The following CHAT variants were observed in gnomAD, a reference collection of about 807,000 sequenced individuals.
CHAT encodes the protein choline O-acetyltransferase.
CHAT carries 61 observed loss-of-function variants against 76.9 expected under a neutral mutation model. That is an observed-to-expected ratio of 0.79 (90% CI 0.65 to 0.98). The LOEUF (loss-of-function observed/expected upper bound fraction) is 0.98, where lower values mean the gene tolerates loss of function less well. Ranked by LOEUF, CHAT falls within the 50% of genes least tolerant of loss-of-function variation. The pLI, the probability that CHAT is intolerant of heterozygous loss-of-function variation, is 0.00. For synonymous variants in CHAT, 407 were observed against 397.4 expected (o/e 1.02, Z -0.29); for missense variants, 946 against 986.9 (o/e 0.96, Z 0.56).
intron 13 of CHAT, among the ~76,000 whole-genome samples, chr10:49,658,378 G>T (rs190354147): frequency 6.6e-6 from 1 of 152,154 alleles, no homozygotes; most frequent in Non-Finnish European, 1.5e-5. Context: ...TTAGCCAGGC[G>T]TGGTTGCACA....
At chr10:49,621,585 T>G (rs973443353) in intron 4 of CHAT, among the ~76,000 whole-genome samples, 1 of 152,112 alleles carries the variant, frequency 6.6e-6, no homozygotes, top group African/African-American at 2.4e-5. Flanking sequence ...TTACTGGCTT[T>G]TCCCAGGAGA....
chr10:49,631,230 C>CT (rs1168081327), intron 7 of CHAT, among the ~76,000 whole-genome samples: 2 of 152,166 alleles, frequency 1.3e-5, no homozygotes, highest in African/African-American at 4.8e-5. Flanking sequence ...GTACCACAGA[C>CT]TGGGAGGCTT....
At chr10:49,615,745 T>A in intron 1 of CHAT, 1 of 488,144 alleles carries the variant, frequency 2.0e-6, no homozygotes, top group Non-Finnish European at 3.7e-6. Context: ...CTACTGTACC[T>A]TCAAAATTAA....
intron 7 of CHAT, among the ~76,000 whole-genome samples, chr10:49,630,612 T>A (rs537726889): frequency 1.3e-5 from 2 of 152,274 alleles, no homozygotes; most frequent in South Asian, 4.1e-4. Flanking sequence ...ATGAGGGAGT[T>A]GCTAAAAGAG....
upstream of CHAT, among the ~76,000 whole-genome samples, chr10:49,613,478 C>G (rs1401721460): frequency 6.6e-6 from 1 of 152,212 alleles, no homozygotes; most frequent in Admixed American, 6.5e-5. Context: ...AGACCGTAGT[C>G]TGATGATCGA....
At chr10:49,620,781 G>C (rs1838677883) in intron 4 of CHAT, among the ~76,000 whole-genome samples, 168 bp downstream of exon 4, 1 of 152,234 alleles carries the variant, frequency 6.6e-6, no homozygotes, top group Non-Finnish European at 1.5e-5. Flanking sequence ...AGCAAGGTTA[G>C]GTGTGGCTGC....
intron 13 of CHAT, among the ~76,000 whole-genome samples, chr10:49,658,584 C>G (rs1840101038): frequency 6.6e-6 from 1 of 152,106 alleles, no homozygotes; most frequent in Admixed American, 6.5e-5. Context: ...TGGCACATGC[C>G]TGTAATCCCA....
At position 49,655,212 on chromosome 10, in the gene CHAT, G is replaced by T; in HGVS notation, c.1752G>T (p.Val584=). The T allele has an allele frequency of 6.2e-7, 1 of 1,614,078 alleles. No homozygotes were observed. Among genetic ancestry groups the T allele is most frequent in the South Asian group, 1.1e-5 (1 of 91,082 alleles). Residue 584 remains valine (V), a synonymous_variant, in exon 12 of 15, where the codon GTG becomes GTT. Coordinates refer to ENST00000337653, the MANE Select transcript of CHAT (RefSeq NM_020549.5). ...TPEALAFVRA[V]TDHKAAVPAS... ...AGGCACTGGCTTTTGTGAGAGCCGTGACTGACCACAAGGCTGCTGTGCCAG... is the reference window on the plus strand; with the variant it reads ...AGGCACTGGCTTTTGTGAGAGCCGTTACTGACCACAAGGCTGCTGTGCCAG...
intron 14 of CHAT, among the ~76,000 whole-genome samples, chr10:49,663,229 CA>C (rs915953498): frequency 6.6e-6 from 1 of 151,066 alleles, no homozygotes; most frequent in African/African-American, 2.4e-5. Flanking sequence ...GACCCTGTCT[CA>C]AAAAAAGAAA....
chr10:49,649,422 C>T lies in CHAT; in HGVS notation c.1383-86C>T, dbSNP rs201661885. Reference sequence around the variant, plus strand: ...ACTCCATGGCCGCAAACACTGACAGCTAAGATGATTGCACAGAGCAAAGAA... The same window carrying T: ...ACTCCATGGCCGCAAACACTGACAGTTAAGATGATTGCACAGAGCAAAGAA... On this transcript the variant is annotated intron_variant, in intron 9 of 14. Transcript: ENST00000337653. 76 of 1,593,504 alleles carry T rather than the reference C, an allele frequency of 4.8e-5. No homozygotes were observed. The African/African-American group carries it at 9.8e-4, about 21-fold the overall frequency.
rs1840369747 is a variant in CHAT, at chr10:49,667,904, G to C, written c.*2858G>C. On this transcript the variant is annotated 3_prime_UTR_variant, in exon 15 of 15. Coordinates refer to ENST00000337653, the MANE Select transcript of CHAT (RefSeq NM_020549.5). ...ATTATATTCAAATTATTTAAAAATT[G>C]TTCTAAGTCTATATTCAATAAAAAG... 6.6e-6 allele frequency among the ~76,000 whole-genome samples: 1 copy of C among 152,168 alleles called. No individual in the cohort carries two copies. The highest frequency in any genetic ancestry group is 1.5e-5 in the Non-Finnish European group (1 of 68,022).
intron 7 of CHAT, among the ~76,000 whole-genome samples, chr10:49,639,976 A>C (rs1839426467): frequency 1.3e-5 from 2 of 152,012 alleles, no homozygotes; most frequent in South Asian, 4.2e-4. Context: ...GAGTCCATCC[A>C]CTGCGCTTTC....
chr10:49,621,807 G>T (rs1838719753), intron 4 of CHAT, among the ~76,000 whole-genome samples: 1 of 151,950 alleles, frequency 6.6e-6, no homozygotes, highest in Non-Finnish European at 1.5e-5. Context: ...CTCACCAAAG[G>T]ACCATTTTGA....
chr10:49,616,632 C>G, intron 2 of CHAT, 30 bp downstream of exon 2: 2 of 1,438,072 alleles, frequency 1.4e-6, no homozygotes, highest in South Asian at 1.2e-5. Context: ...CTCTCTCAAC[C>G]CTGCTTTCCC....
intron 7 of CHAT, among the ~76,000 whole-genome samples, chr10:49,643,920 G>A (rs1008100951): frequency 1.3e-5 from 2 of 152,250 alleles, no homozygotes; most frequent in African/African-American, 2.4e-5. Context: ...GGGTCCAGGG[G>A]CTGCAAGTGC....
chr10:49,611,373 T>C (rs1000604518), upstream of CHAT: 4 of 1,599,782 alleles, frequency 2.5e-6, no homozygotes, highest in Admixed American at 3.3e-5. Flanking sequence ...CGGAGCGCAG[T>C]CGTGCACTGG....
chr10:49,614,344 C>T lies in CHAT; in HGVS notation c.155C>T (p.Ala52Val), dbSNP rs1198280459. The T allele has an allele frequency of 1.3e-6, 2 of 1,546,696 alleles. No individual in the cohort carries two copies. The highest frequency in any genetic ancestry group is 1.7e-6 in the Non-Finnish European group (2 of 1,145,828). ...RGDPGDVGGP[A>V]GNPGCSPHPR... ...GACCCGGGCGACGTCGGAGGCCCTGCCGGGAACCCAGGCTGCAGCCCCCAC... is the reference window on the plus strand; with the variant it reads ...GACCCGGGCGACGTCGGAGGCCCTGTCGGGAACCCAGGCTGCAGCCCCCAC... The change falls in exon 1 of 15, where the codon GCC becomes GTC. Residue 52 changes from alanine to valine, a missense_variant. Transcript: ENST00000337653.
In CHAT at chr10:49,667,315, G is replaced by A. The variant is rs1464228892; in HGVS notation, c.*2269G>A. ...CTACCTTTGGGATGACATTACCCCAGTGGGCATTGTTTGGGTGGTTTTCTT... is the reference window on the plus strand; with the variant it reads ...CTACCTTTGGGATGACATTACCCCAATGGGCATTGTTTGGGTGGTTTTCTT... On this transcript the variant is annotated 3_prime_UTR_variant, in exon 15 of 15. Coordinates refer to ENST00000337653, the MANE Select transcript of CHAT (RefSeq NM_020549.5). Among the ~76,000 whole-genome samples, 1 of 152,228 alleles carries A rather than the reference G, an allele frequency of 6.6e-6. No homozygotes were observed. Among genetic ancestry groups the A allele is most frequent in the Non-Finnish European group, 1.5e-5 (1 of 68,040 alleles).
At chr10:49,612,201 T>C (rs974690319), upstream of CHAT, 4 of 1,609,260 alleles carry the variant, frequency 2.5e-6, no homozygotes, top group Admixed American at 6.7e-5. Flanking sequence ...TGCTGCTTGA[T>C]GAGCCACCGC....
Sources: allele counts gnomAD v4.1 joint callset (sites outside exome capture counted in the v4.1 genomes callset), GRCh38; gene constraint gnomAD v4.1.1; transcripts MANE v1.5; gene names NCBI Gene and HGNC (gene_info 2026-07-23, HGNC 2026-07-21).